The following ODAD2 variants were observed in gnomAD, a reference collection of about 807,000 sequenced individuals.
The protein encoded by ODAD2 is outer dynein arm-docking complex subunit 2.
In ODAD2, 89 loss-of-function variants were observed where a neutral mutation model predicts 106.8. The observed-to-expected ratio is 0.83, with a 90% confidence interval of 0.70 to 0.99. The LOEUF (loss-of-function observed/expected upper bound fraction) is 0.99. Among genes scored for constraint, ODAD2 ranks in the 50% least tolerant of loss-of-function variants. The pLI is 0.00. For synonymous variants in ODAD2, 404 were observed against 436.2 expected (o/e 0.93, Z 0.92); for missense variants, 1,168 against 1,238.5 (o/e 0.94, Z 0.85).
At chr10:27,982,248 A>T (rs1369112185) in intron 6 of ODAD2, among the ~76,000 whole-genome samples, 1 of 152,164 alleles carries the variant, frequency 6.6e-6, no homozygotes, top group Non-Finnish European at 1.5e-5. Flanking sequence ...ATAACTGTAT[A>T]CACAAAAACA....
At chr10:27,924,612 AGG>A (rs1845113227) in intron 16 of ODAD2, among the ~76,000 whole-genome samples, 1 of 104,340 alleles carries the variant, frequency 9.6e-6, no homozygotes, top group African/African-American at 3.5e-5. Context: ...ATTGATTAGG[AGG>A]AAAAAAAAAA....
At chr10:27,928,175 G>A (rs1464586383) in intron 16 of ODAD2, among the ~76,000 whole-genome samples, 1 of 152,026 alleles carries the variant, frequency 6.6e-6, no homozygotes, top group Non-Finnish European at 1.5e-5. Flanking sequence ...CTCCTCTCAT[G>A]AAGTTCACTC....
chr10:27,985,714 A>C (rs1471869466), intron 3 of ODAD2, among the ~76,000 whole-genome samples: 3 of 151,986 alleles, frequency 2.0e-5, no homozygotes, highest in Non-Finnish European at 4.4e-5. Flanking sequence ...GCAAGTATTC[A>C]AACAGCTTAA....
chr10:27,813,495 C>T (rs577410434), intron 19 of ODAD2: 6 of 152,244 alleles, frequency 3.9e-5, no homozygotes, highest in African/African-American at 1.4e-4. Flanking sequence ...TGAATTAGAA[C>T]ATTTAAAATC....
intron 10 of ODAD2, chr10:27,957,588 G>C (rs1397617754): frequency 6.6e-6 from 1 of 152,134 alleles, no homozygotes; most frequent in African/African-American, 2.4e-5. Flanking sequence ...ATCACCTATG[G>C]GGGAGAAAAG....
At chr10:27,986,460 A>G (rs745535759) in intron 3 of ODAD2, among the ~76,000 whole-genome samples, 12 of 152,200 alleles carry the variant, frequency 7.9e-5, no homozygotes, top group Non-Finnish European at 1.8e-4. Context: ...ATAATCCTTC[A>G]TCTATTAACT....
intron 19 of ODAD2, among the ~76,000 whole-genome samples, chr10:27,854,182 A>G (rs1275608281): frequency 2.6e-5 from 4 of 152,188 alleles, no homozygotes; most frequent in Non-Finnish European, 5.9e-5. Flanking sequence ...ATACCATGAC[A>G]TACCTGTTAG....
intron 10 of ODAD2, among the ~76,000 whole-genome samples, chr10:27,956,164 T>C (rs1422321814): frequency 6.6e-6 from 1 of 152,180 alleles, no homozygotes; most frequent in Non-Finnish European, 1.5e-5. Context: ...AGGATGAATG[T>C]GTAGGAATGG....
intron 19 of ODAD2, among the ~76,000 whole-genome samples, chr10:27,842,331 C>T (rs909910117): frequency 6.6e-6 from 1 of 152,144 alleles, no homozygotes; most frequent in Non-Finnish European, 1.5e-5. Flanking sequence ...AATCTCTACA[C>T]TGTATCTTTA....
In ODAD2 at chr10:27,818,129, G is replaced by A. The variant is rs116794667; in HGVS notation, c.3022-5504C>T. ...GAGCGCTGCCAGCCTGGATGCCAAT[G>A]GATCCTGATATTCATATGTCTCTAT... On this transcript the variant is annotated intron_variant, in intron 19 of 19. Coordinates refer to ENST00000305242, the MANE Select transcript of ODAD2 (RefSeq NM_018076.5). Among the ~76,000 whole-genome samples, 529 of 151,168 alleles carry A rather than the reference G, an allele frequency of 3.5e-3. 2 individuals are homozygous for A. Among genetic ancestry groups the A allele is most frequent in the African/African-American group, 0.012 (504 of 41,178 alleles).
intron 16 of ODAD2, among the ~76,000 whole-genome samples, chr10:27,923,679 G>A (rs1175761676): frequency 6.6e-6 from 1 of 152,014 alleles, no homozygotes; most frequent in Non-Finnish European, 1.5e-5. Flanking sequence ...AGGGTACAGT[G>A]GCTCACACCT....
intron 7 of ODAD2, among the ~76,000 whole-genome samples, chr10:27,973,729 T>C (rs1016864243): frequency 2.0e-5 from 3 of 152,222 alleles, no homozygotes; most frequent in African/African-American, 7.2e-5. Context: ...CTACTGCGAA[T>C]AGTGCTGCAA....
At chr10:27,871,168 T>C (rs1277222655) in intron 17 of ODAD2, among the ~76,000 whole-genome samples, 1 of 152,256 alleles carries the variant, frequency 6.6e-6, no homozygotes, top group African/African-American at 2.4e-5. Context: ...GAGAAGTGTC[T>C]GTTCATATCC....
intron 2 of ODAD2, among the ~76,000 whole-genome samples, chr10:27,993,431 C>A (rs1465095567): frequency 6.6e-6 from 1 of 152,078 alleles, no homozygotes; most frequent in Non-Finnish European, 1.5e-5. Flanking sequence ...AGGCGGGTTG[C>A]CTGAGCTCAG....
chr10:27,881,836 C>T (rs1841729247), intron 17 of ODAD2, among the ~76,000 whole-genome samples: 3 of 152,190 alleles, frequency 2.0e-5, no homozygotes, highest in Middle Eastern at 6.8e-3. Flanking sequence ...ATTCTCAGCC[C>T]TGGTTTCACA....
chr10:27,849,864 C>T (rs553280369), intron 19 of ODAD2, among the ~76,000 whole-genome samples: 62 of 152,302 alleles, frequency 4.1e-4, no homozygotes, highest in African/African-American at 1.3e-3. Flanking sequence ...AAAAGCTACT[C>T]TAAAATAGGA....
chr10:27,852,861 T>C (rs1839367373), intron 19 of ODAD2, among the ~76,000 whole-genome samples: 2 of 148,916 alleles, frequency 1.3e-5, no homozygotes, highest in African/African-American at 2.5e-5. Flanking sequence ...CTCAGGAGGC[T>C]GAGGCAGGAG....
At chr10:27,912,263 C>T (rs1386074336) in intron 16 of ODAD2, among the ~76,000 whole-genome samples, 2 of 152,096 alleles carry the variant, frequency 1.3e-5, no homozygotes, top group African/African-American at 4.8e-5. Context: ...GCAATAGAAT[C>T]CTAAATTAAT....
chr10:27,873,971 T>C (rs1467709479), intron 17 of ODAD2, among the ~76,000 whole-genome samples: 3 of 152,154 alleles, frequency 2.0e-5, no homozygotes, highest in Admixed American at 1.3e-4. Context: ...AAGTCTCCCA[T>C]TATTATTGTG....
Sources: gnomAD v4.1 joint callset for allele counts (sites outside exome capture counted in the v4.1 genomes callset) on GRCh38, gnomAD v4.1.1 for gene constraint, MANE v1.5 for transcripts, NCBI Gene and HGNC (gene_info 2026-07-23, HGNC 2026-07-21) for gene names.